PEAK1: variants seen among roughly 807,000 people sequenced by gnomAD.
PEAK1 encodes pseudopodium enriched atypical kinase 1, also known as inactive tyrosine-protein kinase PEAK1.
Under a neutral mutation model 124.7 loss-of-function variants are expected in PEAK1, and 54 were observed. The observed-to-expected ratio is 0.43, with a 90% confidence interval of 0.35 to 0.54. The LOEUF (loss-of-function observed/expected upper bound fraction) is 0.54, where lower values mean the gene tolerates loss of function less well. PEAK1 is among the 20% of genes least tolerant of loss of function. The pLI is 0.01. For missense variants in PEAK1, 2,046 were observed against 2,134.5 expected (o/e 0.96, Z 0.82); for synonymous variants, 719 against 760.0 (o/e 0.95, Z 0.89).
chr15:77,205,901 G>C (rs893277796), intron 6 of PEAK1, among the ~76,000 whole-genome samples: 6 of 148,520 alleles, frequency 4.0e-5, no homozygotes, highest in African/African-American at 1.2e-4. Flanking sequence ...ATGTATACAT[G>C]TGCCATGCTG....
At chr15:77,183,929 T>G (rs1041049416) in intron 6 of PEAK1, among the ~76,000 whole-genome samples, 3 of 152,024 alleles carry the variant, frequency 2.0e-5, no homozygotes, top group African/African-American at 7.2e-5. Flanking sequence ...CCTGGCTCAA[T>G]CAAGCCTCTC....
In PEAK1 at chr15:77,110,719, T is replaced by C. The variant is rs1168242509; in HGVS notation, c.*3437A>G. On this transcript the variant is annotated 3_prime_UTR_variant, in exon 10 of 10. Coordinates refer to ENST00000682557, the MANE Select transcript of PEAK1 (RefSeq NM_001385026.1). ...GCAAATCTTGAAACTCATTGCCATA[T>C]TCCTGGCTTCCAGTTCTAGCTCAGC... 1 of 152,244 alleles carries C rather than the reference T, an allele frequency of 6.6e-6. No individual in the cohort carries two copies. Among genetic ancestry groups the C allele is most frequent in the Non-Finnish European group, 1.5e-5 (1 of 68,050 alleles). 9.4% of individuals were successfully genotyped at this position (152,244 alleles called of 1,614,324 possible).
chr15:77,346,795 T>G (rs765485152), intron 2 of PEAK1: 4 of 928,968 alleles, frequency 4.3e-6, no homozygotes, highest in Non-Finnish European at 5.1e-6. Context: ...TTTACTGAAA[T>G]GCCTATTATG....
At chr15:77,172,747 A>G (rs1415475816) in intron 7 of PEAK1, among the ~76,000 whole-genome samples, 1 of 152,074 alleles carries the variant, frequency 6.6e-6, no homozygotes, top group Non-Finnish European at 1.5e-5. Flanking sequence ...TTGAGATTTA[A>G]TTTACTTCAT....
intron 7 of PEAK1, among the ~76,000 whole-genome samples, chr15:77,165,932 C>T (rs1423088889): frequency 6.6e-6 from 1 of 152,086 alleles, no homozygotes; most frequent in Non-Finnish European, 1.5e-5. Context: ...GTAAATGTTC[C>T]TTCCACCACA....
chr15:77,326,127 AAGCCATTTT>A (rs1351645077), intron 2 of PEAK1, among the ~76,000 whole-genome samples: 3 of 152,126 alleles, frequency 2.0e-5, no homozygotes, highest in African/African-American at 7.2e-5. Flanking sequence ...CCCATTTGCT[AAGCCATTTT>A]AGCCATCTAT....
intron 5 of PEAK1, among the ~76,000 whole-genome samples, chr15:77,272,957 T>A (rs2062115334): frequency 6.6e-6 from 1 of 152,124 alleles, no homozygotes; most frequent in Non-Finnish European, 1.5e-5. Flanking sequence ...TGGTTTAACA[T>A]CTGCAAGTCA....
intron 1 of PEAK1, among the ~76,000 whole-genome samples, chr15:77,406,845 G>A (rs1358355091): frequency 1.3e-5 from 2 of 152,108 alleles, no homozygotes; most frequent in Non-Finnish European, 1.5e-5. Context: ...AACAAATCTG[G>A]AGGTGTCACA....
At chr15:77,150,878 T>A (rs1378649122) in intron 8 of PEAK1, among the ~76,000 whole-genome samples, 1 of 152,176 alleles carries the variant, frequency 6.6e-6, no homozygotes, top group African/African-American at 2.4e-5. Flanking sequence ...TTCCATGGTG[T>A]ATATGTGCCA....
chr15:77,118,205 A>C (rs925016564), intron 9 of PEAK1, among the ~76,000 whole-genome samples: 2 of 152,202 alleles, frequency 1.3e-5, no homozygotes, highest in African/African-American at 4.8e-5. Flanking sequence ...AGTGTAAAAG[A>C]GGAGGGAAAA....
At chr15:77,418,413 C>A in intron 1 of PEAK1, 1 of 984,850 alleles carries the variant, frequency 1.0e-6, no homozygotes, top group Non-Finnish European at 1.2e-6. Context: ...ATTTCCCTTT[C>A]CCCCCCGACA....
At chr15:77,197,738 A>T (rs2058177068) in intron 6 of PEAK1, among the ~76,000 whole-genome samples, 1 of 152,204 alleles carries the variant, frequency 6.6e-6, no homozygotes, top group Non-Finnish European at 1.5e-5. Context: ...ACTAACTGAA[A>T]GGAAAGCAAT....
At chr15:77,168,624 G>A (rs781711668) in intron 7 of PEAK1, among the ~76,000 whole-genome samples, 4 of 152,092 alleles carry the variant, frequency 2.6e-5, no homozygotes, top group Non-Finnish European at 5.9e-5. Flanking sequence ...TTGAACTCTG[G>A]AGTGGATTAG....
chr15:77,332,974 G>A, intron 2 of PEAK1: 1 of 784,994 alleles, frequency 1.3e-6, no homozygotes, highest in African/African-American at 1.9e-5. Context: ...ATTCATGACT[G>A]CTCCTTTTCC....
At chr15:77,143,513 T>C (rs368348721) in intron 8 of PEAK1, among the ~76,000 whole-genome samples, 2 of 152,288 alleles carry the variant, frequency 1.3e-5, no homozygotes, top group South Asian at 2.1e-4. Context: ...CTGGCCCCGA[T>C]ATACCTGTTT....
chr15:77,305,832 G>A (rs2064071235), intron 2 of PEAK1, among the ~76,000 whole-genome samples: 1 of 152,138 alleles, frequency 6.6e-6, no homozygotes, highest in Non-Finnish European at 1.5e-5. Context: ...TATGTAAATA[G>A]TTGTGATACT....
chr15:77,206,110 AATG>A (rs1399979700), intron 6 of PEAK1, among the ~76,000 whole-genome samples: 1 of 109,408 alleles, frequency 9.1e-6, no homozygotes, highest in Non-Finnish European at 1.9e-5. Context: ...GTTTACTGAG[AATG>A]ATGATTTCCA....
chr15:77,390,614 T>C (rs1159529480), intron 1 of PEAK1, among the ~76,000 whole-genome samples: 1 of 152,230 alleles, frequency 6.6e-6, no homozygotes, highest in Non-Finnish European at 1.5e-5. Context: ...GAATTTTATC[T>C]GTATCAAATA....
chr15:77,200,133 C>T (rs370193169), intron 6 of PEAK1, among the ~76,000 whole-genome samples: 51 of 152,338 alleles, frequency 3.3e-4, no homozygotes, highest in African/African-American at 1.2e-3. Context: ...AACCCTTCTT[C>T]TTCCTCCTCC....
Sources: gnomAD v4.1 joint callset for allele counts (sites outside exome capture counted in the v4.1 genomes callset) on GRCh38, gnomAD v4.1.1 for gene constraint, MANE v1.5 for transcripts, NCBI Gene and HGNC (gene_info 2026-07-23, HGNC 2026-07-21) for gene names.